The following NOSTRIN variants were observed in gnomAD, a reference collection of about 807,000 sequenced individuals.
NOSTRIN encodes BM247 homolog.
NOSTRIN carries 63 observed loss-of-function variants against 59.0 expected under a neutral mutation model. The ratio of observed to expected loss-of-function variants is 1.07; its 90% CI spans 0.87 to 1.32. NOSTRIN has a LOEUF of 1.32. Ranked by LOEUF, NOSTRIN falls within the 40% of genes most tolerant of loss-of-function variation. NOSTRIN has a pLI of 0.00. For missense variants in NOSTRIN, 512 were observed against 473.1 expected (o/e 1.08, Z -0.76); for synonymous variants, 200 against 165.4 (o/e 1.21, Z -1.61).
chr2:168,797,559 A>G (rs1685518537), upstream of NOSTRIN, among the ~76,000 whole-genome samples: 1 of 152,240 alleles, frequency 6.6e-6, no homozygotes, highest in African/African-American at 2.4e-5. Context: ...AGCTATAAGG[A>G]CTTCCCACTG....
upstream of NOSTRIN, among the ~76,000 whole-genome samples, chr2:168,797,568 T>G (rs1428335991): frequency 6.6e-6 from 1 of 152,178 alleles, no homozygotes; most frequent in Admixed American, 6.5e-5. Context: ...GACTTCCCAC[T>G]GGAAGGGACA....
intron 1 of NOSTRIN, among the ~76,000 whole-genome samples, chr2:168,787,176 TG>T (rs1685227661): frequency 6.6e-6 from 1 of 152,090 alleles, no homozygotes; most frequent in African/African-American, 2.4e-5. Flanking sequence ...ATGAGTCAAG[TG>T]GAAAGAGGAA....
chr2:168,833,093 GA>G (rs1196829622), intron 6 of NOSTRIN, among the ~76,000 whole-genome samples: 1 of 152,080 alleles, frequency 6.6e-6, no homozygotes, highest in Non-Finnish European at 1.5e-5. Flanking sequence ...TTAAATAAAA[GA>G]TTTCATTTTT....
intron 1 of NOSTRIN, 90 bp from the exon 2 acceptor site, chr2:168,811,472 TTATAG>T (rs1686129880): frequency 1.8e-6 from 1 of 552,680 alleles, no homozygotes; most frequent in African/African-American, 2.0e-5. Flanking sequence ...ACAGTCATAG[TTATAG>T]TAGTTTTCTG....
intron 15 of NOSTRIN, among the ~76,000 whole-genome samples, chr2:168,864,291 T>C (rs1414872253): frequency 2.6e-5 from 4 of 151,598 alleles, no homozygotes; most frequent in Non-Finnish European, 5.9e-5. Flanking sequence ...TCCTGTTTTT[T>C]TTTTTCTGAG....
At chr2:168,808,487 T>G (rs1057358854) in intron 1 of NOSTRIN, among the ~76,000 whole-genome samples, 2 of 152,236 alleles carry the variant, frequency 1.3e-5, no homozygotes, top group African/African-American at 4.8e-5. Context: ...GCAGAAGAAT[T>G]TACTCCGTAA....
chr2:168,798,942 C>T (rs1468474417), upstream of NOSTRIN, among the ~76,000 whole-genome samples: 1 of 152,108 alleles, frequency 6.6e-6, no homozygotes, highest in Non-Finnish European at 1.5e-5. Context: ...GTATGGGGCT[C>T]AAGTCTTGCT....
At chr2:168,855,322 C>A in intron 10 of NOSTRIN, 30 bp from the exon 11 acceptor site, 1 of 1,203,556 alleles carries the variant, frequency 8.3e-7, no homozygotes, top group Non-Finnish European at 1.2e-6. Context: ...CTTCTTCCCC[C>A]TTGTTAGACA....
At chr2:168,802,123 G>A (rs1337456055), upstream of NOSTRIN, among the ~76,000 whole-genome samples, 5 of 152,110 alleles carry the variant, frequency 3.3e-5, no homozygotes, top group Admixed American at 2.0e-4. Flanking sequence ...CTCTGGATTT[G>A]TTGGTTTGCA....
chr2:168,833,851 A>C (rs1262400756), intron 6 of NOSTRIN, among the ~76,000 whole-genome samples: 1 of 152,228 alleles, frequency 6.6e-6, no homozygotes, highest in Admixed American at 6.5e-5. Flanking sequence ...AGAATGATGC[A>C]GGCAGTCTTC....
At chr2:168,793,777 C>A (rs574785882), upstream of NOSTRIN, among the ~76,000 whole-genome samples, 1 of 152,164 alleles carries the variant, frequency 6.6e-6, no homozygotes, top group East Asian at 1.9e-4. Context: ...GCCTCATGAA[C>A]TATAAGGTCC....
At chr2:168,862,730 T>TAAAG in intron 15 of NOSTRIN, among the ~76,000 whole-genome samples, 1 of 151,558 alleles carries the variant, frequency 6.6e-6, no homozygotes, top group East Asian at 2.0e-4. Flanking sequence ...ACAACATTAT[T>TAAAG]AAAGAAGAAA....
chr2:168,859,595 C>T lies in NOSTRIN; in HGVS notation c.1137C>T (p.Pro379=). Reference sequence around the variant, plus strand: ...CAGAACTTGAGCAAAGACCTCAACCCAGCCATCCTTGTAGTAATTCCATCT... The same window carrying T: ...CAGAACTTGAGCAAAGACCTCAACCTAGCCATCCTTGTAGTAATTCCATCT... The part of the protein sequence containing the change: ...MLAELEQRPQ[P]SHPCSNSIFR... Residue 379 remains proline (P), a synonymous_variant, in exon 13 of 16, where the codon CCC becomes CCT. Transcript: ENST00000317647. 6.2e-7 allele frequency: 1 copy of T among 1,614,110 alleles called. No homozygotes were observed. Among genetic ancestry groups the T allele is most frequent in the Non-Finnish European group, 8.5e-7 (1 of 1,179,992 alleles).
intron 15 of NOSTRIN, among the ~76,000 whole-genome samples, 172 bp downstream of exon 15, chr2:168,862,221 AC>A (rs1451294438): frequency 6.6e-6 from 1 of 152,256 alleles, no homozygotes; most frequent in African/African-American, 2.4e-5. Context: ...ATAATAGCTA[AC>A]GCTTATTCTG....
chr2:168,815,772 T>C (rs1008675744), intron 2 of NOSTRIN, among the ~76,000 whole-genome samples: 3 of 152,166 alleles, frequency 2.0e-5, no homozygotes, highest in African/African-American at 7.2e-5. Context: ...TCAAACCATA[T>C]ATATCACAGT....
intron 8 of NOSTRIN, chr2:168,850,780 G>T: frequency 1.3e-6 from 1 of 740,966 alleles, no homozygotes; most frequent in South Asian, 1.7e-5. Flanking sequence ...TGGAATCCAT[G>T]ATTGTGTCTC....
At chr2:168,820,217 T>C (rs1449189899) in intron 2 of NOSTRIN, among the ~76,000 whole-genome samples, 1 of 152,222 alleles carries the variant, frequency 6.6e-6, no homozygotes. Flanking sequence ...TCCAAGTCTG[T>C]GACCATCACT....
intron 5 of NOSTRIN, among the ~76,000 whole-genome samples, chr2:168,830,707 A>G (rs1411497836): frequency 6.6e-6 from 1 of 152,234 alleles, no homozygotes; most frequent in Non-Finnish European, 1.5e-5. Flanking sequence ...ATTATGATTA[A>G]GAGTTCAATA....
intron 1 of NOSTRIN, 27 bp from the exon 2 acceptor site, chr2:168,811,540 T>G: frequency 1.3e-6 from 1 of 767,750 alleles, no homozygotes; most frequent in Non-Finnish European, 2.3e-6. Context: ...TGTTCATTGT[T>G]TTTTTGTTAT....
Sources: gnomAD v4.1 joint callset for allele counts (sites outside exome capture counted in the v4.1 genomes callset) on GRCh38, gnomAD v4.1.1 for gene constraint, MANE v1.5 for transcripts, NCBI Gene and HGNC (gene_info 2026-07-23, HGNC 2026-07-21) for gene names.